ANKRD27: variants seen among roughly 807,000 people sequenced by gnomAD.
ANKRD27 encodes ankyrin repeat domain 27.
In ANKRD27, 112 loss-of-function variants were observed where a neutral mutation model predicts 129.7. The ratio of observed to expected loss-of-function variants is 0.86; its 90% confidence interval spans 0.74 to 1.01. The LOEUF (loss-of-function observed/expected upper bound fraction) is 1.01. Ranked by LOEUF, ANKRD27 falls within the 50% of genes least tolerant of loss-of-function variation. ANKRD27 has a pLI of 0.00. For missense variants in ANKRD27, 1,258 were observed against 1,300.5 expected, an observed-to-expected ratio of 0.97 and a Z score of 0.50; for synonymous variants, 516 against 511.2, an observed-to-expected ratio of 1.01 and a Z score of -0.13.
At chr19:32,631,902 G>A (rs1215754770) in intron 12 of ANKRD27, among the ~76,000 whole-genome samples, 2 of 152,216 alleles carry the variant, frequency 1.3e-5, no homozygotes, top group African/African-American at 2.4e-5. Flanking sequence ...AGGCCTTTGG[G>A]CAGGAAAGCC....
chr19:32,641,747 C>T (rs1479276608), intron 10 of ANKRD27, among the ~76,000 whole-genome samples: 1 of 148,348 alleles, frequency 6.7e-6, no homozygotes, highest in Non-Finnish European at 1.5e-5. Context: ...TTTTTCTTGA[C>T]TTGTTTTCTT....
chr19:32,667,087 A>G (rs1044862478), intron 1 of ANKRD27, among the ~76,000 whole-genome samples: 5 of 152,332 alleles, frequency 3.3e-5, no homozygotes, highest in African/African-American at 1.2e-4. Flanking sequence ...GACATGCAGT[A>G]CTGCATATCA....
In ANKRD27 at chr19:32,644,310, A is replaced by AG; in HGVS notation, c.525+14dup. 1 of 1,608,824 alleles carries AG rather than the reference A, an allele frequency of 6.2e-7. No homozygotes were observed. Among genetic ancestry groups the AG allele is most frequent in the South Asian group, 1.1e-5 (1 of 90,962 alleles). ...AGACAGGGCACGCCAGGCAGAGGAC[A>AG]GCACGGCTACTGACTATGTGGTGAC... On this transcript the variant is annotated intron_variant, in intron 5 of 28. Transcript: ENST00000306065.
chr19:32,614,588 C>T (rs1017113965), intron 22 of ANKRD27, among the ~76,000 whole-genome samples: 11 of 151,982 alleles, frequency 7.2e-5, no homozygotes, highest in Admixed American at 3.3e-4. Context: ...GCTATGGTCC[C>T]CGCTACACAG....
chr19:32,643,618 G>A lies in ANKRD27; in HGVS notation c.539C>T (p.Ala180Val), dbSNP rs138437510. 2 of 1,614,000 alleles carry A rather than the reference G, an allele frequency of 1.2e-6. No individual in the cohort carries two copies. Among genetic ancestry groups the A allele is most frequent in the Non-Finnish European group, 1.7e-6 (2 of 1,180,028 alleles). ...SLRHHIDSANALYTKCLQQLL... is the reference protein window; with the variant it reads ...SLRHHIDSANVLYTKCLQQLL... ...CTGCTGGAGGCATTTGGTGTAGAGA[G>A]CATTCGCTGAGTCCTAAACCACATA... is the stretch of plus-strand genomic sequence containing the variant. Residue 180 changes from alanine (A) to valine (V), a missense_variant, in exon 6 of 29, where the codon GCT (alanine) becomes GTT (valine). Transcript: ENST00000306065.
chr19:32,643,822 C>T (rs1040133379), intron 5 of ANKRD27, 191 bp from the exon 6 acceptor site: 3 of 606,004 alleles, frequency 5.0e-6, no homozygotes, highest in African/African-American at 3.7e-5. Context: ...TTGGGGTTAA[C>T]ACAGAGGATA....
At chr19:32,618,628 C>G (rs1971959615) in intron 20 of ANKRD27, among the ~76,000 whole-genome samples, 1 of 151,932 alleles carries the variant, frequency 6.6e-6, no homozygotes, top group Non-Finnish European at 1.5e-5. Context: ...ACTTGGTCCT[C>G]CAAGAGCATG....
At position 32,643,311 on chromosome 19, in the gene ANKRD27, G is replaced by A. The variant is rs200412555; in HGVS notation, c.681C>T (p.Tyr227=). The A allele has an allele frequency of 7.1e-5, 114 of 1,613,812 alleles. No homozygotes were observed. The highest frequency in any genetic ancestry group is 8.0e-5 in the Non-Finnish European group (94 of 1,180,012). The change falls in exon 8 of 29, where the codon TAC becomes TAT. Residue 227 remains tyrosine (Y), a synonymous_variant. Coordinates refer to ENST00000306065, the MANE Select transcript of ANKRD27 (RefSeq NM_032139.3). ...HHEIYNLIFK[Y]VGTMEASEDA... is the part of the protein sequence containing the mutation. ...CCTCACTTGCCTCCATGGTCCCCAC[G>A]TATTTAAAGATCAGGTTGTAAATTT...
chr19:32,643,684 G>A (rs965981261), intron 5 of ANKRD27, 53 bp from the exon 6 acceptor site: 42 of 1,587,642 alleles, frequency 2.6e-5, no homozygotes, highest in African/African-American at 2.3e-4. Flanking sequence ...AGGCCATGAC[G>A]GGGGAGCCGG....
chr19:32,621,813 C>T (rs1972014135), intron 18 of ANKRD27, among the ~76,000 whole-genome samples: 1 of 152,028 alleles, frequency 6.6e-6, no homozygotes, highest in Admixed American at 6.6e-5. Flanking sequence ...GTCAGTCTGC[C>T]ACATGCCTCT....
intron 4 of ANKRD27, among the ~76,000 whole-genome samples, chr19:32,645,768 G>A (rs1249217694): frequency 1.3e-5 from 2 of 152,030 alleles, no homozygotes; most frequent in Admixed American, 1.3e-4. Context: ...GAGTAGCTGG[G>A]ATTACAGGCA....
chr19:32,633,977 G>T (rs1288907428), intron 12 of ANKRD27, among the ~76,000 whole-genome samples: 1 of 152,074 alleles, frequency 6.6e-6, no homozygotes, highest in African/African-American at 2.4e-5. Context: ...GCTGCAGTGA[G>T]CTAGGATCAC....
rs942702564 is a variant in ANKRD27 at position 32,628,664 on chromosome 19, T to C, written c.1337+58A>G. ...GTCACACAGCGCACAGTGGAGAAGG[T>C]CCAGGAGGCCTGTCTCCTGCTTCCT... On this transcript the variant is annotated intron_variant, in intron 14 of 28. Coordinates refer to ENST00000306065, the MANE Select transcript of ANKRD27 (RefSeq NM_032139.3). 68 of 1,604,176 alleles carry C rather than the reference T, an allele frequency of 4.2e-5. No individual in the cohort carries two copies. The Middle Eastern group carries it at 1.8e-3, about 43-fold the overall frequency.
At chr19:32,613,238 C>A (rs1971859691) in intron 22 of ANKRD27, among the ~76,000 whole-genome samples, 1 of 152,142 alleles carries the variant, frequency 6.6e-6, no homozygotes, top group Non-Finnish European at 1.5e-5. Context: ...GTACTACACA[C>A]CTATCTGAAT....
rs767827424 is a variant in ANKRD27, at chr19:32,656,112, GAAAAGAAAAGA to G, written c.102+2791_102+2801del. The stretch of plus-strand genomic sequence containing the variant: ...GAAAGAAAGAAAGAAAGAAAGAAAA[GAAAAGAAAAGA>G]AAAGAAAAGAAAAGAAAAAGAAAAG... On this transcript the variant is annotated intron_variant, in intron 2 of 28. Transcript: ENST00000306065. Among the ~76,000 whole-genome samples, 690 of 110,716 alleles carry G rather than the reference GAAAAGAAAAGA, an allele frequency of 6.2e-3. 8 individuals are homozygous for G. Among genetic ancestry groups the G allele is most frequent in the African/African-American group, 0.023 (637 of 27,748 alleles). The allele number at this position is 110,716 out of a possible 152,430, so 72.6% of individuals were successfully genotyped here.
At chr19:32,608,484 G>T in intron 22 of ANKRD27, 2 of 257,672 alleles carry the variant, frequency 7.8e-6, no homozygotes, top group Non-Finnish European at 1.6e-5. Context: ...TTTACTTTTT[G>T]ATGATTAAAA....
At chr19:32,659,889 A>G (rs1163095018) in intron 1 of ANKRD27, among the ~76,000 whole-genome samples, 11 of 152,152 alleles carry the variant, frequency 7.2e-5, no homozygotes, top group Non-Finnish European at 1.5e-4. Flanking sequence ...CTACAAAAAT[A>G]AACAATTTAT....
At chr19:32,639,139 T>C (rs1255333532) in intron 12 of ANKRD27, 1 of 582,684 alleles carries the variant, frequency 1.7e-6, no homozygotes, top group Non-Finnish European at 3.0e-6. Context: ...ATATTAACAA[T>C]GTAAATCCCA....
chr19:32,626,891 T>A, intron 15 of ANKRD27, 64 bp from the exon 16 acceptor site: 2 of 1,133,546 alleles, frequency 1.8e-6, no homozygotes, highest in Non-Finnish European at 2.6e-6. Context: ...ACCTTAACTG[T>A]AAAACCACAA....
Sources: gnomAD v4.1 joint callset for allele counts (sites outside exome capture counted in the v4.1 genomes callset) on GRCh38, gnomAD v4.1.1 for gene constraint, MANE v1.5 for transcripts, NCBI Gene and HGNC (gene_info 2026-07-23, HGNC 2026-07-21) for gene names.